The following FAR2 variants were observed in gnomAD, a reference collection of about 807,000 sequenced individuals.
FAR2 encodes the protein fatty acyl-CoA reductase 2.
In FAR2, 19 loss-of-function variants were observed where a neutral mutation model predicts 56.0. The ratio of observed to expected loss-of-function variants is 0.34; its 90% confidence interval spans 0.24 to 0.50. The LOEUF is 0.50. FAR2 is among the 20% of genes least tolerant of loss of function. FAR2 has a pLI of 0.98. For missense variants in FAR2, 508 were observed against 642.2 expected (o/e 0.79, Z 2.26); for synonymous variants, 219 against 218.8 (o/e 1.00, Z -0.01).
At chr12:29,311,679 C>G (rs1485985300) in intron 7 of FAR2, among the ~76,000 whole-genome samples, 1 of 151,672 alleles carries the variant, frequency 6.6e-6, no homozygotes. Context: ...CACACACACA[C>G]ACACACACAC....
At chr12:29,277,035 T>G (rs759339937) in intron 2 of FAR2, among the ~76,000 whole-genome samples, 4 of 152,206 alleles carry the variant, frequency 2.6e-5, no homozygotes, top group Non-Finnish European at 5.9e-5. Context: ...TAGAGTGCAG[T>G]GGCTCTATCT....
intron 1 of FAR2, among the ~76,000 whole-genome samples, chr12:29,180,448 C>T (rs1340344785): frequency 6.6e-6 from 1 of 152,122 alleles, no homozygotes; most frequent in African/African-American, 2.4e-5. Flanking sequence ...TGCCCTCTCC[C>T]AATGAAACCC....
At chr12:29,205,268 C>T (rs1224888859) in intron 1 of FAR2, among the ~76,000 whole-genome samples, 1 of 152,128 alleles carries the variant, frequency 6.6e-6, no homozygotes, top group African/African-American at 2.4e-5. Context: ...TGAATTATTA[C>T]AGAGATTTTC....
intron 1 of FAR2, among the ~76,000 whole-genome samples, chr12:29,167,886 C>T (rs916673459): frequency 6.6e-6 from 1 of 152,162 alleles, no homozygotes; most frequent in South Asian, 2.1e-4. Flanking sequence ...TTAACTATTA[C>T]ACCTCGTGTA....
At chr12:29,204,017 A>G (rs1198118608) in intron 1 of FAR2, among the ~76,000 whole-genome samples, 1 of 149,780 alleles carries the variant, frequency 6.7e-6, no homozygotes, top group Non-Finnish European at 1.5e-5. Context: ...AAAAAAAAAA[A>G]AAAAAAGAAA....
At chr12:29,158,744 TAG>T (rs1949753226) in intron 1 of FAR2, among the ~76,000 whole-genome samples, 1 of 152,258 alleles carries the variant, frequency 6.6e-6, no homozygotes, top group South Asian at 2.1e-4. Flanking sequence ...TGAGTGCAAA[TAG>T]CTTTGTCTTA....
At chr12:29,181,328 A>G (rs1356045809) in intron 1 of FAR2, among the ~76,000 whole-genome samples, 1 of 152,208 alleles carries the variant, frequency 6.6e-6, no homozygotes, top group African/African-American at 2.4e-5. Context: ...CTACTACTTC[A>G]TTAAGAATTA....
intron 1 of FAR2, among the ~76,000 whole-genome samples, chr12:29,150,426 G>A (rs1949673328): frequency 6.6e-6 from 1 of 152,172 alleles, no homozygotes; most frequent in Non-Finnish European, 1.5e-5. Flanking sequence ...GGGAATTCAG[G>A]TAGATCGTGC....
At chr12:29,297,315 T>C in intron 4 of FAR2, 115 bp downstream of exon 4, 1 of 1,016,922 alleles carries the variant, frequency 9.8e-7, no homozygotes, top group Non-Finnish European at 1.4e-6. Context: ...AAGCAAAATG[T>C]TTTGAAACGG....
At chr12:29,171,675 C>G (rs1041731699) in intron 1 of FAR2, 5 of 151,686 alleles carry the variant, frequency 3.3e-5, no homozygotes, top group African/African-American at 1.2e-4. Context: ...TGATGAGGGC[C>G]TCTGCCCAGC....
At chr12:29,321,699 T>G in intron 9 of FAR2, 96 bp from the exon 10 acceptor site, 1 of 1,408,160 alleles carries the variant, frequency 7.1e-7, no homozygotes, top group Non-Finnish European at 9.5e-7. Flanking sequence ...ACAGGGATAA[T>G]TTTTGTATTT....
At chr12:29,251,136 G>T (rs1948203118) in intron 1 of FAR2, among the ~76,000 whole-genome samples, 1 of 152,168 alleles carries the variant, frequency 6.6e-6, no homozygotes, top group Non-Finnish European at 1.5e-5. Flanking sequence ...TACTTGATCT[G>T]TATAAACAGA....
chr12:29,307,857 C>A (rs758026384), intron 5 of FAR2, 22 bp downstream of exon 5: 9 of 1,592,766 alleles, frequency 5.7e-6, no homozygotes, highest in Non-Finnish European at 7.7e-6. Context: ...TACCTGGATT[C>A]TGTGTTTTGC....
intron 8 of FAR2, among the ~76,000 whole-genome samples, chr12:29,313,993 T>G (rs1949399339): frequency 6.6e-6 from 1 of 150,662 alleles, no homozygotes; most frequent in South Asian, 2.1e-4. Flanking sequence ...TGGCTTTATA[T>G]TTCGCTCAAA....
rs1949218584 is a variant in FAR2, at chr12:29,304,095, TCAC to T, written c.546-3560_546-3558del. ...CCAAAACGAGGTTGGTCAACACTTT[TCAC>T]CATTGCCACTGGACACTTTACTTCC... On this transcript the variant is annotated intron_variant, in intron 4 of 11. Transcript: ENST00000536681. Among the ~76,000 whole-genome samples, 4 of 152,218 alleles carry T rather than the reference TCAC, an allele frequency of 2.6e-5. No individual in the cohort carries two copies. In the South Asian group the frequency reaches 6.2e-4, roughly 24 times the overall value.
chr12:29,166,193 T>A (rs1949826007), intron 1 of FAR2, among the ~76,000 whole-genome samples: 1 of 152,258 alleles, frequency 6.6e-6, no homozygotes, highest in Non-Finnish European at 1.5e-5. Flanking sequence ...TTATAAGAGT[T>A]GCTGATATAT....
chr12:29,157,601 T>C (rs1161760707), intron 1 of FAR2, among the ~76,000 whole-genome samples: 3 of 152,182 alleles, frequency 2.0e-5, no homozygotes, highest in African/African-American at 7.2e-5. Flanking sequence ...AGGATGACCA[T>C]AGGAGGCAAG....
intron 1 of FAR2, among the ~76,000 whole-genome samples, chr12:29,261,621 T>A (rs1444934182): frequency 6.6e-6 from 1 of 152,038 alleles, no homozygotes; most frequent in East Asian, 1.9e-4. Flanking sequence ...TCAAGACATA[T>A]AATAATCAAA....
chr12:29,196,822 A>G (rs1950148141), intron 1 of FAR2, among the ~76,000 whole-genome samples: 1 of 152,212 alleles, frequency 6.6e-6, no homozygotes, highest in Non-Finnish European at 1.5e-5. Flanking sequence ...GTGAACAGAC[A>G]ACCTGCAGAA....
Sources: allele counts gnomAD v4.1 joint callset (sites outside exome capture counted in the v4.1 genomes callset), GRCh38; gene constraint gnomAD v4.1.1; transcripts MANE v1.5; gene names NCBI Gene and HGNC (gene_info 2026-07-23, HGNC 2026-07-21).